The following TSPAN18 variants were observed in gnomAD, a reference collection of about 807,000 sequenced individuals.
TSPAN18 encodes tetraspanin 18.
A neutral mutation model predicts 27.3 loss-of-function variants in TSPAN18; 14 were observed. That is an observed-to-expected ratio of 0.51 (90% confidence interval 0.34 to 0.80). The LOEUF is 0.80. Ranked by LOEUF, TSPAN18 falls within the 30% of genes least tolerant of loss-of-function variation. TSPAN18 has a pLI of 0.01. For synonymous variants in TSPAN18, 143 were observed against 136.5 expected, an observed-to-expected ratio of 1.05 and a Z score of -0.33; for missense variants, 268 against 323.9, an observed-to-expected ratio of 0.83 and a Z score of 1.32.
intron 1 of TSPAN18, among the ~76,000 whole-genome samples, chr11:44,762,428 C>T (rs1280795001): frequency 1.3e-5 from 2 of 152,206 alleles, no homozygotes; most frequent in South Asian, 2.1e-4. Context: ...CATGCTTACA[C>T]ACACATGCAT....
intron 3 of TSPAN18, among the ~76,000 whole-genome samples, chr11:44,860,940 C>A (rs1159460421): frequency 6.6e-6 from 1 of 152,182 alleles, no homozygotes; most frequent in East Asian, 1.9e-4. Context: ...CAAGACAGGC[C>A]ATTTATTAGC....
intron 2 of TSPAN18, among the ~76,000 whole-genome samples, chr11:44,821,329 C>T (rs759057392): frequency 2.6e-5 from 4 of 152,148 alleles, no homozygotes; most frequent in Non-Finnish European, 5.9e-5. Context: ...CTGTTTCTCA[C>T]GGGGCTAAAA....
At chr11:44,752,351 C>G (rs1855230011) in intron 1 of TSPAN18, among the ~76,000 whole-genome samples, 1 of 152,154 alleles carries the variant, frequency 6.6e-6, no homozygotes, top group Non-Finnish European at 1.5e-5. Context: ...TAAAGCCCAT[C>G]CCTTCTATTC....
intron 2 of TSPAN18, among the ~76,000 whole-genome samples, chr11:44,796,140 G>A (rs1856344669): frequency 6.6e-6 from 1 of 152,186 alleles, no homozygotes; most frequent in Admixed American, 6.5e-5. Context: ...AACAAGCTGA[G>A]ATGTCACAGA....
intron 2 of TSPAN18, among the ~76,000 whole-genome samples, chr11:44,834,923 G>A (rs967368340): frequency 6.6e-6 from 1 of 152,234 alleles, no homozygotes; most frequent in African/African-American, 2.4e-5. Flanking sequence ...GGCGAGGTTA[G>A]GCCCTGCAGA....
rs150775171 is a variant in TSPAN18 at position 44,833,925 on chromosome 11, C to A, written c.-152-26403C>A. On this transcript the variant is annotated intron_variant, in intron 2 of 9. Transcript: ENST00000520358. ...AGGAATCTGCTTTGTCCATAACCTGCCTGCCCAAAGAGAGCCTGCTGGGCA... is the reference window on the plus strand; with the variant it reads ...AGGAATCTGCTTTGTCCATAACCTGACTGCCCAAAGAGAGCCTGCTGGGCA... 2.4e-4 allele frequency among the ~76,000 whole-genome samples: 37 copies of A among 151,902 alleles called. No homozygotes were observed. The East Asian group carries it at 7.0e-3, about 29-fold the overall frequency.
intron 2 of TSPAN18, among the ~76,000 whole-genome samples, chr11:44,856,159 AG>A (rs1857732781): frequency 6.6e-6 from 1 of 152,138 alleles, no homozygotes; most frequent in Non-Finnish European, 1.5e-5. Context: ...CTGGGATTAC[AG>A]GCATGAGCCA....
chr11:44,755,508 C>A (rs897031192), intron 1 of TSPAN18, among the ~76,000 whole-genome samples: 2 of 151,970 alleles, frequency 1.3e-5, no homozygotes, highest in African/African-American at 4.8e-5. Context: ...GCTCAGGTGG[C>A]TTCATTAAGG....
chr11:44,923,212 G>A (rs931269435), intron 8 of TSPAN18, among the ~76,000 whole-genome samples: 9 of 152,180 alleles, frequency 5.9e-5, no homozygotes, highest in African/African-American at 2.2e-4. Context: ...GGAGATGTAC[G>A]TGTGGGAAGC....
At chr11:44,860,164 T>G (rs1857839792) in intron 2 of TSPAN18, among the ~76,000 whole-genome samples, 164 bp from the exon 3 acceptor site, 1 of 152,218 alleles carries the variant, frequency 6.6e-6, no homozygotes, top group African/African-American at 2.4e-5. Context: ...GCTATTTCAG[T>G]CGGATCTAGA....
chr11:44,828,349 G>A (rs1296340365), intron 2 of TSPAN18, among the ~76,000 whole-genome samples: 2 of 152,080 alleles, frequency 1.3e-5, no homozygotes, highest in African/African-American at 4.8e-5. Flanking sequence ...CAAAAAAAAA[G>A]CTGGCAGAGA....
intron 1 of TSPAN18, among the ~76,000 whole-genome samples, chr11:44,753,419 A>G (rs1474549042): frequency 1.3e-5 from 2 of 152,106 alleles, no homozygotes; most frequent in Non-Finnish European, 2.9e-5. Flanking sequence ...CGTTTGAGCC[A>G]CCGCACTCAG....
At chr11:44,768,642 G>A (rs142561232) in intron 2 of TSPAN18, among the ~76,000 whole-genome samples, 2 of 152,122 alleles carry the variant, frequency 1.3e-5, no homozygotes, top group East Asian at 3.9e-4. Context: ...GTGGGAGAAG[G>A]GACATCCTTG....
intron 2 of TSPAN18, among the ~76,000 whole-genome samples, chr11:44,848,264 G>A (rs909292063): frequency 6.6e-6 from 1 of 152,178 alleles, no homozygotes; most frequent in African/African-American, 2.4e-5. Flanking sequence ...TCTTCGAGGC[G>A]TTCAGTCCTT....
chr11:44,848,109 T>A lies in TSPAN18; in HGVS notation c.-152-12219T>A, dbSNP rs181383513. Reference sequence around the variant, plus strand: ...TCTCAGCTTCCCAAAGTGCTGGGATTACAGAGATGAGCCACTGCACCCAGC... The same window carrying A: ...TCTCAGCTTCCCAAAGTGCTGGGATAACAGAGATGAGCCACTGCACCCAGC... On this transcript the variant is annotated intron_variant, in intron 2 of 9. Coordinates refer to ENST00000520358, the MANE Select transcript of TSPAN18 (RefSeq NM_130783.5). Among the ~76,000 whole-genome samples the A allele has an allele frequency of 2.0e-5, 3 of 152,300 alleles. No individual in the cohort carries two copies. The East Asian group carries it at 5.8e-4, about 29-fold the overall frequency.
intron 2 of TSPAN18, among the ~76,000 whole-genome samples, chr11:44,829,730 G>A (rs1427297749): frequency 1.3e-5 from 2 of 151,954 alleles, no homozygotes; most frequent in African/African-American, 4.8e-5. Flanking sequence ...ATACAATAAG[G>A]GTATGTTTAG....
intron 1 of TSPAN18, among the ~76,000 whole-genome samples, chr11:44,732,873 T>C (rs1230380770): frequency 1.3e-5 from 2 of 152,116 alleles, no homozygotes; most frequent in Non-Finnish European, 2.9e-5. Context: ...CTTAACAAAA[T>C]GATTAACTCC....
chr11:44,806,940 CTGAG>C (rs772569179), intron 2 of TSPAN18, among the ~76,000 whole-genome samples: 3 of 152,104 alleles, frequency 2.0e-5, no homozygotes, highest in Non-Finnish European at 4.4e-5. Context: ...ATATAGTTAT[CTGAG>C]TGAGTATTTG....
intron 3 of TSPAN18, chr11:44,886,560 C>T (rs12226589): frequency 0.13 from 19,830 of 152,036 alleles, 1,464 homozygotes; most frequent in East Asian, 0.17. Flanking sequence ...GGAGGGCTTT[C>T]GGGGCTGTGA....
Sources: gnomAD v4.1 joint callset for allele counts (sites outside exome capture counted in the v4.1 genomes callset) on GRCh38, gnomAD v4.1.1 for gene constraint, MANE v1.5 for transcripts, NCBI Gene and HGNC (gene_info 2026-07-23, HGNC 2026-07-21) for gene names.